Variants in KCNMA1 observed in about 807,000 individuals in gnomAD.
The protein encoded by KCNMA1 is Calcium-activated potassium channel subunit alpha-1.
In KCNMA1, 29 loss-of-function variants were observed where a neutral mutation model predicts 140.0. That is an observed-to-expected ratio of 0.21 (90% CI 0.15 to 0.28). The LOEUF is 0.28. Among genes scored for constraint, KCNMA1 ranks in the 10% least tolerant of loss-of-function variants. The pLI is 1.00. For synonymous variants in KCNMA1, 612 were observed against 611.9 expected (o/e 1.00, Z 0.00); for missense variants, 880 against 1,602.2 (o/e 0.55, Z 7.70).
chr10:77,382,640 G>A (rs2095429858), intron 2 of KCNMA1, among the ~76,000 whole-genome samples: 1 of 151,880 alleles, frequency 6.6e-6, no homozygotes, highest in Admixed American at 6.6e-5. Flanking sequence ...CAAGGCGGGT[G>A]GATCACCTGA....
intron 16 of KCNMA1, among the ~76,000 whole-genome samples, chr10:77,025,242 GTA>G (rs1183311699): frequency 3.0e-3 from 127 of 42,756 alleles, no homozygotes; most frequent in South Asian, 0.014. Flanking sequence ...GGGTGTGTGT[GTA>G]TATATATATA....
intron 1 of KCNMA1, among the ~76,000 whole-genome samples, chr10:77,561,368 T>C (rs956625473): frequency 1.1e-3 from 171 of 152,330 alleles, no homozygotes; most frequent in African/African-American, 4.0e-3. Context: ...GATCTCATCA[T>C]CAGCTTGATA....
intron 1 of KCNMA1, among the ~76,000 whole-genome samples, chr10:77,492,485 A>G: frequency 6.6e-6 from 1 of 152,210 alleles, no homozygotes. Context: ...CATCATTCTA[A>G]GCCCTTAATG....
chr10:77,587,814 G>A (rs562072625), intron 1 of KCNMA1: 2 of 985,284 alleles, frequency 2.0e-6, no homozygotes, highest in Non-Finnish European at 2.4e-6. Flanking sequence ...GGCCCCAGGT[G>A]GAGTTATCTC....
At chr10:76,955,513 A>G (rs1242212046) in intron 20 of KCNMA1, among the ~76,000 whole-genome samples, 2 of 152,220 alleles carry the variant, frequency 1.3e-5, no homozygotes, top group African/African-American at 2.4e-5. Flanking sequence ...GTTATCTTCA[A>G]CGAACATGCT....
At chr10:77,536,357 C>G (rs907140651) in intron 1 of KCNMA1, among the ~76,000 whole-genome samples, 1 of 152,206 alleles carries the variant, frequency 6.6e-6, no homozygotes, top group African/African-American at 2.4e-5. Flanking sequence ...TAGAATCAGA[C>G]AGCATGGGCT....
At chr10:76,916,237 T>A (rs1415803313) in intron 23 of KCNMA1, among the ~76,000 whole-genome samples, 3 of 152,294 alleles carry the variant, frequency 2.0e-5, no homozygotes, top group Non-Finnish European at 2.9e-5. Flanking sequence ...ATAAGGTATA[T>A]GTGGACACAG....
At chr10:77,227,648 A>G (rs537553837) in intron 3 of KCNMA1, among the ~76,000 whole-genome samples, 5 of 152,356 alleles carry the variant, frequency 3.3e-5, no homozygotes, top group South Asian at 2.1e-4. Flanking sequence ...TGAAATCCTG[A>G]CTATTTTGGA....
chr10:76,887,291 T>C lies in KCNMA1; in HGVS notation c.3686A>G (p.Lys1229Arg), dbSNP rs1188001974. 1.5e-5 allele frequency: 25 copies of C among 1,614,024 alleles called. 1 individual carries two copies. Among genetic ancestry groups the C allele is most frequent in the Non-Finnish European group, 2.1e-5 (25 of 1,180,034 alleles). The change falls in exon 28 of 28, where the codon AAG (lysine) becomes AGG (arginine). Residue 1229 changes from lysine (K) to arginine (R), a missense_variant. Physicochemically the swap from Lys to Arg is conservative, Grantham distance 26. Transcript: ENST00000286628. ...PKSRESRDKQ[K>R]YVQEERL is the part of the protein sequence containing the mutation. ...TCAAAGCCGCTCTTCCTGCACGTAC[T>C]TCTGTTTGTCCCGGGACTCCCTGGA...
At chr10:77,578,180 G>C (rs1286222175) in intron 1 of KCNMA1, among the ~76,000 whole-genome samples, 9 of 152,184 alleles carry the variant, frequency 5.9e-5, no homozygotes. Context: ...GGACCCAAGG[G>C]GTTCCTTTAA....
intron 1 of KCNMA1, among the ~76,000 whole-genome samples, chr10:77,609,996 G>A (rs989740738): frequency 6.6e-6 from 1 of 152,138 alleles, no homozygotes; most frequent in African/African-American, 2.4e-5. Flanking sequence ...GAAACAAGGC[G>A]GCCAGTCACC....
At chr10:77,006,091 A>C (rs2088475124) in intron 18 of KCNMA1, among the ~76,000 whole-genome samples, 2 of 152,168 alleles carry the variant, frequency 1.3e-5, no homozygotes, top group Admixed American at 1.3e-4. Flanking sequence ...ATTCCATCCT[A>C]TCCTCAGCAC....
chr10:77,630,061 G>A (rs560216454), intron 1 of KCNMA1, among the ~76,000 whole-genome samples: 6 of 152,132 alleles, frequency 3.9e-5, no homozygotes, highest in East Asian at 1.9e-4. Flanking sequence ...CACACAGCAC[G>A]GTGCCACGCG....
At chr10:77,233,933 C>G (rs187860657) in intron 3 of KCNMA1, among the ~76,000 whole-genome samples, 1 of 152,150 alleles carries the variant, frequency 6.6e-6, no homozygotes, top group African/African-American at 2.4e-5. Context: ...CGAACAGTGA[C>G]AGAATCAGGT....
chr10:76,969,979 C>A lies in KCNMA1; in HGVS notation c.2355G>T (p.Leu785=). Residue 785 remains leucine (L), a synonymous_variant, in exon 20 of 28, where the codon CTG becomes CTT. Transcript: ENST00000286628. Reference sequence around the variant, plus strand: ...CAACCAGCCCCTCTCCTTACCTCATCAGCTTAGGCGAGGTGTTGGGTGAGT... The same window carrying A: ...CAACCAGCCCCTCTCCTTACCTCATAAGCTTAGGCGAGGTGTTGGGTGAGT... The part of the protein sequence containing the change: ...MRNSPNTSPK[L]MRHDPLLIPG... 6.2e-7 allele frequency: 1 copy of A among 1,612,998 alleles called. No individual in the cohort carries two copies. Among genetic ancestry groups the A allele is most frequent in the Non-Finnish European group, 8.5e-7 (1 of 1,179,288 alleles).
chr10:76,928,084 C>CA (rs898785863), intron 23 of KCNMA1, among the ~76,000 whole-genome samples: 1 of 152,044 alleles, frequency 6.6e-6, no homozygotes, highest in Non-Finnish European at 1.5e-5. Flanking sequence ...TCCCTGTTTA[C>CA]AAAAGGGAGT....
At chr10:77,563,563 C>T (rs1296015607) in intron 1 of KCNMA1, among the ~76,000 whole-genome samples, 1 of 152,138 alleles carries the variant, frequency 6.6e-6, no homozygotes, top group African/African-American at 2.4e-5. Flanking sequence ...CCAACACTGA[C>T]TCCTCTACTC....
chr10:77,491,690 G>A (rs2039910626), intron 1 of KCNMA1, among the ~76,000 whole-genome samples: 1 of 148,246 alleles, frequency 6.7e-6, no homozygotes, highest in Admixed American at 6.8e-5. Flanking sequence ...GCCTCACCCT[G>A]GGGGGAAATG....
chr10:76,904,000 A>T (rs1365495857), intron 25 of KCNMA1: 1 of 152,260 alleles, frequency 6.6e-6, no homozygotes. Context: ...GGATAAGTGC[A>T]CACAAACACA....
Sources: gnomAD v4.1 joint callset for allele counts (sites outside exome capture counted in the v4.1 genomes callset) on GRCh38, gnomAD v4.1.1 for gene constraint, MANE v1.5 for transcripts, NCBI Gene and HGNC (gene_info 2026-07-23, HGNC 2026-07-21) for gene names.